The following RBFOX1 variants were observed in gnomAD, a reference collection of about 807,000 sequenced individuals.
RBFOX1 encodes RNA binding fox-1 homolog 1.
Under a neutral mutation model 57.7 loss-of-function variants are expected in RBFOX1, and 8 were observed. The observed-to-expected ratio is 0.14, with a 90% CI of 0.08 to 0.25. The LOEUF (loss-of-function observed/expected upper bound fraction) is 0.25. Ranked by LOEUF, RBFOX1 falls within the 10% of genes least tolerant of loss-of-function variation. The probability of loss-of-function intolerance (pLI) is 1.00; values close to 1 mark genes in which losing one functional copy is unlikely to be tolerated. For missense variants in RBFOX1, 611 were observed against 548.5 expected, an observed-to-expected ratio of 1.11 and a Z score of -1.14; for synonymous variants, 326 against 222.4, an observed-to-expected ratio of 1.47 and a Z score of -4.15.
At chr16:6,118,624 C>G (rs946231726) in intron 1 of RBFOX1, among the ~76,000 whole-genome samples, 2 of 151,308 alleles carry the variant, frequency 1.3e-5, no homozygotes. Flanking sequence ...GCTCTCCTCC[C>G]TCCCTCTCTC....
intron 1 of RBFOX1, among the ~76,000 whole-genome samples, chr16:5,425,695 G>A (rs557170801): frequency 6.6e-6 from 1 of 152,200 alleles, no homozygotes; most frequent in African/African-American, 2.4e-5. Context: ...GCAGGGGCAG[G>A]GGAGAGTGGC....
At chr16:6,991,330 C>A (rs528913529) in intron 3 of RBFOX1, among the ~76,000 whole-genome samples, 3 of 151,984 alleles carry the variant, frequency 2.0e-5, no homozygotes, top group African/African-American at 7.2e-5. Context: ...CTGCATTTCT[C>A]CATTTCAGCT....
intron 3 of RBFOX1, among the ~76,000 whole-genome samples, chr16:5,777,467 G>T (rs1328245930): frequency 6.6e-6 from 1 of 152,210 alleles, no homozygotes; most frequent in Non-Finnish European, 1.5e-5. Context: ...GTAGGACCGG[G>T]ACATCTTTGA....
intron 2 of RBFOX1, among the ~76,000 whole-genome samples, chr16:5,548,169 AAAAAAATATATATATATATATAT>A (rs2045302852): frequency 7.0e-5 from 3 of 43,102 alleles, no homozygotes; most frequent in Admixed American, 7.1e-4. Context: ...AAAAAAAAAA[AAAAAAATATATATATATATATAT>A]ATATATATAT....
chr16:7,021,857 A>G (rs1360022278), intron 3 of RBFOX1, among the ~76,000 whole-genome samples: 1 of 151,188 alleles, frequency 6.6e-6, no homozygotes, highest in Non-Finnish European at 1.5e-5. Flanking sequence ...TCTTCATTCT[A>G]AATTGCCAGA....
chr16:6,753,729 CGG>C (rs2075335516), intron 3 of RBFOX1, among the ~76,000 whole-genome samples: 6 of 118,350 alleles, frequency 5.1e-5, no homozygotes, highest in African/African-American at 1.4e-4. Context: ...TCAGAGTTAG[CGG>C]AGCAGCAGCT....
In RBFOX1 at chr16:5,700,493, C is replaced by T. The variant is rs368569479; in HGVS notation, c.318+101532C>T. ...AAGTCTACGTGTCTTTCTTTATAGG[C>T]AATAATATTTTCTTCTATGTCAGCT... On this transcript the variant is annotated intron_variant, in intron 3 of 19. Transcript: ENST00000641259. Among the ~76,000 whole-genome samples the T allele has an allele frequency of 2.6e-5, 4 of 152,242 alleles. No homozygotes were observed. In the East Asian group the frequency reaches 5.8e-4, roughly 22 times the overall value.
intron 3 of RBFOX1, among the ~76,000 whole-genome samples, chr16:7,042,559 T>C (rs2046526432): frequency 6.6e-6 from 1 of 152,244 alleles, no homozygotes; most frequent in Non-Finnish European, 1.5e-5. Flanking sequence ...TAGGAACTGT[T>C]TAGCACATTT....
chr16:5,594,072 C>T (rs776758868), intron 2 of RBFOX1, among the ~76,000 whole-genome samples: 5 of 151,974 alleles, frequency 3.3e-5, no homozygotes, highest in Non-Finnish European at 5.9e-5. Context: ...TGTTGGTCCA[C>T]GTAGGTTTTA....
At chr16:5,435,440 C>T (rs539668117) in intron 1 of RBFOX1, among the ~76,000 whole-genome samples, 24 of 152,234 alleles carry the variant, frequency 1.6e-4, no homozygotes, top group East Asian at 3.9e-4. Context: ...CCCTTCCCAA[C>T]GCCAACATGA....
chr16:7,027,004 GT>G (rs2041159710), intron 3 of RBFOX1, among the ~76,000 whole-genome samples: 1 of 152,078 alleles, frequency 6.6e-6, no homozygotes, highest in African/African-American at 2.4e-5. Context: ...AGGTTTAGCT[GT>G]GCTGCAGCCA....
chr16:6,040,549 A>ATTCTTTCTTTCT (rs140819240), intron 1 of RBFOX1, among the ~76,000 whole-genome samples: 75 of 151,274 alleles, frequency 5.0e-4, no homozygotes, highest in African/African-American at 1.0e-3. Context: ...TGAATTAATC[A>ATTCTTTCTTTCT]TTCTTTCTTT....
chr16:6,784,567 T>C lies in RBFOX1; in HGVS notation c.-16+129917T>C, dbSNP rs185991377. Among the ~76,000 whole-genome samples, 155 of 152,322 alleles carry C rather than the reference T, an allele frequency of 1.0e-3. 1 individual carries two copies. The highest frequency in any genetic ancestry group is 6.9e-4 in the Non-Finnish European group (47 of 68,016). ...GTTTTCTCAAGACAACCATTTTGAA[T>C]TGCCTGTCTGAGAGGTCACATATCT... On this transcript the variant is annotated intron_variant, in intron 3 of 15. Transcript: ENST00000550418.
At chr16:5,574,176 C>T (rs1310342099) in intron 2 of RBFOX1, among the ~76,000 whole-genome samples, 1 of 152,038 alleles carries the variant, frequency 6.6e-6, no homozygotes, top group Non-Finnish European at 1.5e-5. Flanking sequence ...ATGAGGGCAT[C>T]GAGTTCATTG....
chr16:6,926,904 C>G (rs1567917111), intron 3 of RBFOX1, among the ~76,000 whole-genome samples: 1 of 152,148 alleles, frequency 6.6e-6, no homozygotes, highest in Non-Finnish European at 1.5e-5. Flanking sequence ...AGCAGGTACT[C>G]CCTCAGGGCC....
In RBFOX1 at chr16:7,206,801, G is replaced by A. The variant is rs2090073062; in HGVS notation, c.27+154703G>A. Among the ~76,000 whole-genome samples the A allele has an allele frequency of 2.0e-5, 3 of 152,058 alleles. No homozygotes were observed. The South Asian group carries it at 6.2e-4, about 32-fold the overall frequency. On this transcript the variant is annotated intron_variant, in intron 4 of 15. Coordinates refer to ENST00000550418, the MANE Select transcript of RBFOX1 (RefSeq NM_018723.4). ...GGAGAAATATGCAACAGGGGAGAGT[G>A]AAAGGGGCATTTTAAGTTGGGATTT...
intron 1 of RBFOX1, among the ~76,000 whole-genome samples, chr16:5,240,913 G>A (rs2062150807): frequency 6.6e-6 from 1 of 152,240 alleles, no homozygotes; most frequent in African/African-American, 2.4e-5. Flanking sequence ...TTGGAGGGCA[G>A]ATGAGGGCCC....
intron 1 of RBFOX1, among the ~76,000 whole-genome samples, chr16:6,198,246 G>T (rs11639874): frequency 0.02 from 3,105 of 152,206 alleles, 47 homozygotes; most frequent in Non-Finnish European, 0.03. Context: ...CAAGACAAGG[G>T]TATTGAATGT....
intron 4 of RBFOX1, among the ~76,000 whole-genome samples, chr16:5,988,069 T>C (rs756873265): frequency 2.0e-5 from 3 of 152,204 alleles, no homozygotes; most frequent in Admixed American, 1.3e-4. Context: ...TGTCTCTACA[T>C]ACATGTGCTC....
Sources: gnomAD v4.1 joint callset for allele counts (sites outside exome capture counted in the v4.1 genomes callset) on GRCh38, gnomAD v4.1.1 for gene constraint, MANE v1.5 for transcripts, NCBI Gene and HGNC (gene_info 2026-07-23, HGNC 2026-07-21) for gene names.